The following DPP10 variants were observed in gnomAD, a reference collection of about 807,000 sequenced individuals.
DPP10 encodes the protein inactive dipeptidyl peptidase 10.
A neutral mutation model predicts 120.9 loss-of-function variants in DPP10; 33 were observed. The ratio of observed to expected loss-of-function variants is 0.27; its 90% confidence interval spans 0.21 to 0.37. The LOEUF is 0.37. Ranked by LOEUF, DPP10 falls within the 10% of genes least tolerant of loss-of-function variation. The pLI, the probability that DPP10 is intolerant of heterozygous loss-of-function variation, is 1.00. For missense variants in DPP10, 816 were observed against 942.8 expected, an observed-to-expected ratio of 0.87 and a Z score of 1.76; for synonymous variants, 337 against 326.1, an observed-to-expected ratio of 1.03 and a Z score of -0.36.
intron 1 of DPP10, among the ~76,000 whole-genome samples, chr2:114,863,320 A>G (rs939632048): frequency 3.9e-5 from 6 of 152,184 alleles, no homozygotes; most frequent in Non-Finnish European, 5.9e-5. Context: ...ATTCTGGGAA[A>G]CACATTTCTA....
intron 1 of DPP10, among the ~76,000 whole-genome samples, chr2:114,455,802 C>T (rs1420058537): frequency 6.6e-6 from 1 of 150,430 alleles, no homozygotes; most frequent in Non-Finnish European, 1.5e-5. Context: ...TGACCTTCAT[C>T]TAGCCCTCTG....
chr2:115,137,666 C>A (rs72837529), intron 1 of DPP10, among the ~76,000 whole-genome samples: 9,408 of 152,152 alleles, frequency 0.062, 392 homozygotes, highest in East Asian at 0.23. Flanking sequence ...TCATAACTGG[C>A]GGGCTACAGA....
rs544885283 is a variant in DPP10, at chr2:115,590,260, C to T, written c.441+64288C>T. On this transcript the variant is annotated intron_variant, in intron 5 of 25. Coordinates refer to ENST00000410059, the MANE Select transcript of DPP10 (RefSeq NM_020868.6). Reference sequence around the variant, plus strand: ...GTATACATGTGCCATGTTGGTGTGCCGCACCTGTTACCTCGTCATTTACAT... The same window carrying T: ...GTATACATGTGCCATGTTGGTGTGCTGCACCTGTTACCTCGTCATTTACAT... 1.3e-4 allele frequency among the ~76,000 whole-genome samples: 19 copies of T among 151,230 alleles called. No homozygotes were observed. In the South Asian group the frequency reaches 1.7e-3, roughly 13 times the overall value.
chr2:114,927,009 C>T (rs1695682856), intron 1 of DPP10, among the ~76,000 whole-genome samples: 1 of 151,868 alleles, frequency 6.6e-6, no homozygotes. Context: ...CCCACCACGC[C>T]CAGCTAATTT....
At chr2:115,707,452 ACACACACACACT>A (rs1476585538) in intron 7 of DPP10, among the ~76,000 whole-genome samples, 2 of 149,582 alleles carry the variant, frequency 1.3e-5, no homozygotes, top group African/African-American at 2.5e-5. Flanking sequence ...ACACACACAC[ACACACACACACT>A]CTCTCCACAT....
chr2:114,749,969 A>C (rs1193865407), intron 1 of DPP10, among the ~76,000 whole-genome samples: 1 of 152,226 alleles, frequency 6.6e-6, no homozygotes, highest in East Asian at 1.9e-4. Flanking sequence ...GTTCAGATGC[A>C]GAGAAACATG....
At chr2:115,219,465 T>C (rs1157136579) in intron 1 of DPP10, among the ~76,000 whole-genome samples, 3 of 152,100 alleles carry the variant, frequency 2.0e-5, no homozygotes, top group Non-Finnish European at 4.4e-5. Flanking sequence ...CAAATACATA[T>C]GTATACACCT....
intron 1 of DPP10, among the ~76,000 whole-genome samples, chr2:115,168,769 G>A (rs1261751338): frequency 6.6e-6 from 1 of 152,136 alleles, no homozygotes; most frequent in Non-Finnish European, 1.5e-5. Context: ...GCACTGAAAA[G>A]AAAGCTCTTC....
chr2:115,157,812 T>G (rs2052024595), intron 1 of DPP10, among the ~76,000 whole-genome samples: 1 of 152,098 alleles, frequency 6.6e-6, no homozygotes, highest in South Asian at 2.1e-4. Flanking sequence ...TCGTGAACTC[T>G]GTCTTCTTGA....
At chr2:114,805,311 A>G (rs554783978) in intron 1 of DPP10, among the ~76,000 whole-genome samples, 18 of 152,228 alleles carry the variant, frequency 1.2e-4, no homozygotes, top group African/African-American at 3.4e-4. Flanking sequence ...ACTCAAGAGC[A>G]TTGCTTCTCA....
intron 1 of DPP10, among the ~76,000 whole-genome samples, chr2:115,109,545 G>GA (rs1008543404): frequency 2.2e-4 from 31 of 138,180 alleles, no homozygotes; most frequent in African/African-American, 8.3e-4. Flanking sequence ...AAAAAAAAAA[G>GA]AAAAAAAAAT....
At chr2:114,857,762 C>T (rs1018459657) in intron 1 of DPP10, among the ~76,000 whole-genome samples, 4 of 152,092 alleles carry the variant, frequency 2.6e-5, no homozygotes, top group African/African-American at 4.8e-5. Context: ...ACGTAGGGTG[C>T]CTGACTGAAA....
At chr2:115,601,854 T>C (rs1366884247) in intron 5 of DPP10, among the ~76,000 whole-genome samples, 1 of 138,548 alleles carries the variant, frequency 7.2e-6, no homozygotes, top group African/African-American at 2.7e-5. Flanking sequence ...TTTTTTTTTT[T>C]TGTACTTTAA....
intron 5 of DPP10, among the ~76,000 whole-genome samples, chr2:115,529,180 G>C (rs1433438279): frequency 6.6e-6 from 1 of 150,732 alleles, no homozygotes; most frequent in Non-Finnish European, 1.5e-5. Context: ...TTTTTCCGGT[G>C]GGAGGGAGGC....
chr2:115,778,052 ATTC>A (rs1179479726), intron 15 of DPP10, among the ~76,000 whole-genome samples: 1 of 151,998 alleles, frequency 6.6e-6, no homozygotes, highest in Non-Finnish European at 1.5e-5. Flanking sequence ...CAGCCTCCTT[ATTC>A]TTTTCTTCAC....
At chr2:115,761,974 A>G (rs966832938) in intron 11 of DPP10, among the ~76,000 whole-genome samples, 1 of 152,164 alleles carries the variant, frequency 6.6e-6, no homozygotes, top group Non-Finnish European at 1.5e-5. Context: ...CACATATTTA[A>G]CGAGGTTAAA....
chr2:115,060,709 T>C (rs1706333638), intron 1 of DPP10, among the ~76,000 whole-genome samples: 1 of 152,206 alleles, frequency 6.6e-6, no homozygotes, highest in Non-Finnish European at 1.5e-5. Flanking sequence ...CAACATCTTT[T>C]ATTATTCTGA....
At chr2:115,354,921 G>A (rs745465119) in intron 3 of DPP10, among the ~76,000 whole-genome samples, 1 of 152,108 alleles carries the variant, frequency 6.6e-6, no homozygotes, top group Non-Finnish European at 1.5e-5. Context: ...TGGTATATAT[G>A]TACCACATTT....
intron 1 of DPP10, among the ~76,000 whole-genome samples, chr2:115,085,110 G>T (rs1312090744): frequency 6.6e-6 from 1 of 152,148 alleles, no homozygotes; most frequent in Non-Finnish European, 1.5e-5. Context: ...TTGTAGCAAG[G>T]CTTAGACCAC....
Sources: gnomAD v4.1 joint callset for allele counts (sites outside exome capture counted in the v4.1 genomes callset) on GRCh38, gnomAD v4.1.1 for gene constraint, MANE v1.5 for transcripts, NCBI Gene and HGNC (gene_info 2026-07-23, HGNC 2026-07-21) for gene names.